Variants in DAB1 observed in about 807,000 individuals in gnomAD.
DAB1 encodes the protein DAB adaptor protein 1.
Under a neutral mutation model 64.6 loss-of-function variants are expected in DAB1, and 15 were observed. The observed-to-expected ratio is 0.23, with a 90% confidence interval of 0.16 to 0.36. The LOEUF (loss-of-function observed/expected upper bound fraction) is 0.36, where lower values mean the gene tolerates loss of function less well. Ranked by LOEUF, DAB1 falls within the 10% of genes least tolerant of loss-of-function variation. The pLI, the probability that DAB1 is intolerant of heterozygous loss-of-function variation, is 1.00. For synonymous variants in DAB1, 235 were observed against 251.9 expected (o/e 0.93, Z 0.64); for missense variants, 596 against 706.7 (o/e 0.84, Z 1.78).
At chr1:57,679,284 AG>A (rs1008792632) in intron 6 of DAB1, among the ~76,000 whole-genome samples, 2 of 152,160 alleles carry the variant, frequency 1.3e-5, no homozygotes, top group South Asian at 2.1e-4. Flanking sequence ...GGTGAGATAA[AG>A]AAACTAAGAT....
At chr1:58,493,005 C>A (rs925236404) in intron 3 of DAB1, among the ~76,000 whole-genome samples, 1 of 152,050 alleles carries the variant, frequency 6.6e-6, no homozygotes, top group African/African-American at 2.4e-5. Flanking sequence ...AACATCAATG[C>A]AAAAATCCTC....
chr1:57,214,910 C>CAAAAAAAAAAAAAA (rs56175448), intron 2 of DAB1, among the ~76,000 whole-genome samples: 2 of 58,732 alleles, frequency 3.4e-5, no homozygotes, highest in African/African-American at 7.1e-5. Flanking sequence ...GATTCCCTCT[C>CAAAAAAAAAAAAAA]AAAAAAAAAA....
chr1:57,665,867 GTGTGTGTGTGTGTGTGTTTGCGTGTGCA>G (rs1382555133), intron 6 of DAB1, among the ~76,000 whole-genome samples: 48 of 150,444 alleles, frequency 3.2e-4, no homozygotes, highest in Middle Eastern at 3.4e-3. Context: ...GTGTGTGTGT[GTGTGTGTGTGTGTGTGTTTGCGTGTGCA>G]TGTGTGTGTT....
chr1:57,807,461 G>A (rs1651417025), intron 6 of DAB1, among the ~76,000 whole-genome samples: 1 of 152,146 alleles, frequency 6.6e-6, no homozygotes, highest in Non-Finnish European at 1.5e-5. Flanking sequence ...AAAGTAGTGT[G>A]AGCAATTAAA....
At position 58,501,940 on chromosome 1, in the gene DAB1, G is replaced by GC. The variant is rs571816798; in HGVS notation, n.257+4119dup. On this transcript the variant is annotated intron_variant and non_coding_transcript_variant, in intron 3 of 20. Transcript: ENST00000485760. The stretch of plus-strand genomic sequence containing the variant: ...TCCCTCCTCACTGCCCCCCACTCCC[G>GC]CCCCCAGCACCAAATTTATTATCTG... Among the ~76,000 whole-genome samples the GC allele has an allele frequency of 1.8e-4, 26 of 148,494 alleles. No individual in the cohort carries two copies. The East Asian group carries it at 4.0e-3, about 23-fold the overall frequency.
intron 7 of DAB1, among the ~76,000 whole-genome samples, chr1:57,596,449 A>G (rs1312410084): frequency 6.6e-6 from 1 of 152,076 alleles, no homozygotes; most frequent in Admixed American, 6.6e-5. Flanking sequence ...TACTCATATT[A>G]TTATGTGTTT....
chr1:57,417,412 CAT>C (rs1684573611), intron 1 of DAB1, among the ~76,000 whole-genome samples: 1 of 152,106 alleles, frequency 6.6e-6, no homozygotes, highest in Non-Finnish European at 1.5e-5. Context: ...AAATCACACA[CAT>C]ATTATTTTCA....
intron 1 of DAB1, among the ~76,000 whole-genome samples, chr1:58,538,093 T>G (rs768402961): frequency 1.1e-4 from 17 of 152,344 alleles, no homozygotes; most frequent in Non-Finnish European, 1.9e-4. Context: ...CAAACTGGTT[T>G]GGTTCATGTG....
Position 58,455,252 on chromosome 1 carries a change from G to A in DAB1, n.257+50808C>T, listed in dbSNP as rs1645182376. Among the ~76,000 whole-genome samples the A allele has an allele frequency of 2.0e-5, 3 of 152,246 alleles. 1 individual carries two copies. Among genetic ancestry groups the A allele is most frequent in the Admixed American group, 2.0e-4 (3 of 15,284 alleles). ...GAGCAAATGGAGCTTATGCCCACTG[G>A]GAAAGCCCTGGGAGTGCAGGATGCA... is the stretch of plus-strand genomic sequence containing the variant. On this transcript the variant is annotated intron_variant and non_coding_transcript_variant, in intron 3 of 20. Coordinates refer to the DAB1 transcript ENST00000485760.
chr1:57,463,829 G>A (rs1380622747), intron 7 of DAB1, among the ~76,000 whole-genome samples: 2 of 152,110 alleles, frequency 1.3e-5, no homozygotes, highest in African/African-American at 2.4e-5. Flanking sequence ...ACTACAATAT[G>A]TGAGTGCACA....
At chr1:57,873,050 G>C (rs546648204) in intron 1 of DAB1, among the ~76,000 whole-genome samples, 1 of 152,088 alleles carries the variant, frequency 6.6e-6, no homozygotes, top group South Asian at 2.1e-4. Flanking sequence ...TCAGCCTCCA[G>C]ATGGAGACTG....
chr1:57,422,850 C>T (rs1685030296), intron 1 of DAB1, among the ~76,000 whole-genome samples: 1 of 152,076 alleles, frequency 6.6e-6, no homozygotes, highest in Non-Finnish European at 1.5e-5. Flanking sequence ...CCACCAGCAC[C>T]ACCAAAAAAC....
intron 1 of DAB1, among the ~76,000 whole-genome samples, chr1:57,827,387 T>C (rs753757599): frequency 1.2e-4 from 18 of 152,232 alleles, no homozygotes; most frequent in Non-Finnish European, 2.6e-4. Context: ...ATTCTAGCTT[T>C]GCAGTCAACA....
intron 4 of DAB1, among the ~76,000 whole-genome samples, chr1:57,093,905 GGAGTTT>G (rs575803655): frequency 6.4e-4 from 98 of 152,146 alleles, no homozygotes; most frequent in African/African-American, 2.3e-3. Flanking sequence ...CTTGAAGTCA[GGAGTTT>G]GAGATCAGCC....
At chr1:57,896,954 T>G (rs1644400663) in intron 5 of DAB1, among the ~76,000 whole-genome samples, 1 of 152,148 alleles carries the variant, frequency 6.6e-6, no homozygotes, top group African/African-American at 2.4e-5. Flanking sequence ...TATTATAGCA[T>G]TCAGGCAATT....
chr1:57,317,315 G>C (rs776093243), intron 1 of DAB1, among the ~76,000 whole-genome samples: 3 of 152,180 alleles, frequency 2.0e-5, no homozygotes, highest in Admixed American at 6.5e-5. Flanking sequence ...TCTTGTGAGA[G>C]GTTCTGAGCA....
At chr1:57,678,219 C>T (rs1278155344) in intron 6 of DAB1, among the ~76,000 whole-genome samples, 3 of 151,864 alleles carry the variant, frequency 2.0e-5, no homozygotes, top group South Asian at 2.1e-4. Context: ...TACCATGCTG[C>T]ATTTAACAGC....
In DAB1 at chr1:57,099,634, G is replaced by T. The variant is rs115359732; in HGVS notation, c.307-27220C>A. Reference sequence around the variant, plus strand: ...TAGTTGGCAGTCTAAAGTGGAAACAGGGTTAGAAAAAGCCAACGCAATATA... The same window carrying T: ...TAGTTGGCAGTCTAAAGTGGAAACATGGTTAGAAAAAGCCAACGCAATATA... On this transcript the variant is annotated intron_variant, in intron 4 of 14. Coordinates refer to ENST00000371236, the MANE Select transcript of DAB1 (RefSeq NM_001365792.1). Among the ~76,000 whole-genome samples the T allele has an allele frequency of 2.4e-3, 369 of 152,324 alleles. 2 individuals are homozygous for T. Among genetic ancestry groups the T allele is most frequent in the African/African-American group, 8.0e-3 (334 of 41,576 alleles).
intron 9 of DAB1, among the ~76,000 whole-genome samples, chr1:57,046,823 A>G (rs1648557842): frequency 6.6e-6 from 1 of 152,210 alleles, no homozygotes; most frequent in Admixed American, 6.5e-5. Flanking sequence ...TTGCTTCAGC[A>G]CAGGTAGCAT....
Sources: allele counts gnomAD v4.1 joint callset (sites outside exome capture counted in the v4.1 genomes callset), GRCh38; gene constraint gnomAD v4.1.1; transcripts MANE v1.5; gene names NCBI Gene and HGNC (gene_info 2026-07-23, HGNC 2026-07-21).